The following NMNAT2 variants were observed in gnomAD, a reference collection of about 807,000 sequenced individuals.
NMNAT2 encodes nicotinamide nucleotide adenylyltransferase 2.
NMNAT2 carries 11 observed loss-of-function variants against 41.6 expected under a neutral mutation model. That is an observed-to-expected ratio of 0.26 (90% CI 0.17 to 0.44). NMNAT2 has a LOEUF of 0.44. NMNAT2 is among the 20% of genes least tolerant of loss of function. The probability of loss-of-function intolerance (pLI) is 1.00; values close to 1 mark genes in which losing one functional copy is unlikely to be tolerated. For missense variants in NMNAT2, 288 were observed against 407.7 expected (o/e 0.71, Z 2.53); for synonymous variants, 148 against 151.2 (o/e 0.98, Z 0.16).
intron 1 of NMNAT2, among the ~76,000 whole-genome samples, chr1:183,349,878 G>T (rs946762456): frequency 2.0e-5 from 3 of 152,188 alleles, no homozygotes; most frequent in African/African-American, 7.2e-5. Context: ...CCTCTGAGAA[G>T]GAAAGCTCAG....
chr1:183,324,012 G>C (rs1221398795), intron 1 of NMNAT2, among the ~76,000 whole-genome samples: 1 of 152,164 alleles, frequency 6.6e-6, no homozygotes, highest in Non-Finnish European at 1.5e-5. Context: ...GCCTGCTGGG[G>C]GATCACCATA....
At chr1:183,259,687 C>G (rs1452930496) in intron 10 of NMNAT2, among the ~76,000 whole-genome samples, 2 of 152,090 alleles carry the variant, frequency 1.3e-5, no homozygotes, top group Non-Finnish European at 2.9e-5. Flanking sequence ...GCAAGCTCTG[C>G]CTCCCGGGTT....
At chr1:183,374,520 G>A (rs1663630793) in intron 1 of NMNAT2, among the ~76,000 whole-genome samples, 3 of 152,188 alleles carry the variant, frequency 2.0e-5, no homozygotes. Context: ...ATTTAAAGGG[G>A]AGATGAAAGC....
intron 10 of NMNAT2, among the ~76,000 whole-genome samples, chr1:183,255,915 C>T (rs1660505221): frequency 6.6e-6 from 1 of 151,882 alleles, no homozygotes; most frequent in South Asian, 2.1e-4. Flanking sequence ...CCACCTGCCT[C>T]CGCCTCCCAA....
intron 1 of NMNAT2, among the ~76,000 whole-genome samples, chr1:183,365,485 G>A (rs972519243): frequency 6.6e-6 from 1 of 152,092 alleles, no homozygotes; most frequent in African/African-American, 2.4e-5. Flanking sequence ...GGCCAGGCAC[G>A]GTGGCTCATG....
At chr1:183,355,928 T>C (rs920561009) in intron 1 of NMNAT2, among the ~76,000 whole-genome samples, 1 of 152,214 alleles carries the variant, frequency 6.6e-6, no homozygotes. Flanking sequence ...AGAGCACCAC[T>C]GAGGATACAG....
At chr1:183,339,980 G>A (rs979923369) in intron 1 of NMNAT2, among the ~76,000 whole-genome samples, 8 of 151,838 alleles carry the variant, frequency 5.3e-5, no homozygotes, top group Non-Finnish European at 8.8e-5. Flanking sequence ...GGGGAATGTC[G>A]GTTGCCGTAG....
chr1:183,304,792 A>G, intron 1 of NMNAT2: 1 of 1,612,072 alleles, frequency 6.2e-7, no homozygotes, highest in Admixed American at 1.7e-5. Flanking sequence ...TGGCCATCAG[A>G]GAGTAACACA....
chr1:183,399,623 A>C (rs903689913), intron 1 of NMNAT2, among the ~76,000 whole-genome samples: 7 of 152,364 alleles, frequency 4.6e-5, no homozygotes, highest in African/African-American at 1.7e-4. Flanking sequence ...AGAGAATTTT[A>C]GACCAATATC....
chr1:183,351,797 G>T (rs925733791), intron 1 of NMNAT2, among the ~76,000 whole-genome samples: 2 of 152,112 alleles, frequency 1.3e-5, no homozygotes, highest in African/African-American at 2.4e-5. Context: ...GGCTCTAATA[G>T]GGTCCCTATA....
chr1:183,326,792 T>C (rs1266119078), intron 1 of NMNAT2, among the ~76,000 whole-genome samples: 2 of 152,018 alleles, frequency 1.3e-5, no homozygotes, highest in Non-Finnish European at 2.9e-5. Flanking sequence ...ATTAGAAAGA[T>C]GGAAAGAAGA....
rs1437552184 is a variant in NMNAT2, at chr1:183,324,110, A to C, written c.86-30317T>G. ...TGGCATAACTGAGATGAAGGCAGAT[A>C]TAGGAAGGGGAGATTCCTCAGTTCC... is the stretch of plus-strand genomic sequence containing the variant. On this transcript the variant is annotated intron_variant, in intron 1 of 10. Coordinates refer to ENST00000287713, the MANE Select transcript of NMNAT2 (RefSeq NM_015039.4). Among the ~76,000 whole-genome samples the C allele has an allele frequency of 2.6e-5, 4 of 152,182 alleles. No individual in the cohort carries two copies. In the East Asian group the frequency reaches 7.7e-4, roughly 29 times the overall value.
chr1:183,286,900 G>C lies in NMNAT2; in HGVS notation c.322-112C>G, dbSNP rs1661415135. The C allele has an allele frequency of 3.4e-6, 4 of 1,168,850 alleles. No individual in the cohort carries two copies. In the East Asian group the frequency reaches 1.1e-4, roughly 31 times the overall value. The allele number at this position is 1,168,850 out of a possible 1,614,324, so 72.4% of individuals were successfully genotyped here. A position where few individuals can be genotyped will look rare whatever the true frequency, so the allele number is the denominator to read the frequency against. On this transcript the variant is annotated intron_variant, in intron 4 of 10. Transcript: ENST00000287713. ...CATGGAGAGGCCACCCAGAGCTGAG[G>C]AAGAGCCCTGGGGATGGGTTCTAGA...
intron 1 of NMNAT2, among the ~76,000 whole-genome samples, chr1:183,349,195 T>C (rs1380614739): frequency 6.6e-6 from 1 of 152,238 alleles, no homozygotes; most frequent in Admixed American, 6.5e-5. Context: ...GCTCTGCTGG[T>C]TTGAGATCCT....
chr1:183,330,960 G>A (rs1054607878), intron 1 of NMNAT2, among the ~76,000 whole-genome samples: 1 of 152,086 alleles, frequency 6.6e-6, no homozygotes, highest in African/African-American at 2.4e-5. Flanking sequence ...CAGACATGTT[G>A]AAGGAGCCTC....
intron 1 of NMNAT2, among the ~76,000 whole-genome samples, chr1:183,303,322 C>A (rs1661912428): frequency 6.6e-6 from 1 of 152,142 alleles, no homozygotes; most frequent in South Asian, 2.1e-4. Flanking sequence ...ACTTACTGAC[C>A]ATTTGCTGGT....
chr1:183,264,364 G>A (rs1049730625), intron 8 of NMNAT2, among the ~76,000 whole-genome samples: 2 of 151,896 alleles, frequency 1.3e-5, no homozygotes, highest in Admixed American at 6.6e-5. Context: ...GCTGTTCAGT[G>A]GGCGGCAAGC....
intron 1 of NMNAT2, among the ~76,000 whole-genome samples, chr1:183,371,292 A>G (rs1663535080): frequency 6.6e-6 from 1 of 152,246 alleles, no homozygotes; most frequent in South Asian, 2.1e-4. Flanking sequence ...CTGTAAAAAG[A>G]TCAGTGGTTG....
At chr1:183,390,386 G>C (rs1007632874) in intron 1 of NMNAT2, among the ~76,000 whole-genome samples, 2 of 152,192 alleles carry the variant, frequency 1.3e-5, no homozygotes, top group Admixed American at 6.5e-5. Context: ...TAACGGAGCT[G>C]AGCCTGAGAA....
Sources: allele counts gnomAD v4.1 joint callset (sites outside exome capture counted in the v4.1 genomes callset), GRCh38; gene constraint gnomAD v4.1.1; transcripts MANE v1.5; gene names NCBI Gene and HGNC (gene_info 2026-07-23, HGNC 2026-07-21).